CFAP61: variants seen among roughly 807,000 people sequenced by gnomAD.
CFAP61 encodes the protein cilia- and flagella-associated protein 61.
In CFAP61, 107 loss-of-function variants were observed where a neutral mutation model predicts 135.6. The ratio of observed to expected loss-of-function variants is 0.79; its 90% CI spans 0.67 to 0.93. The LOEUF is 0.93. Ranked by LOEUF, CFAP61 falls within the 40% of genes least tolerant of loss-of-function variation. The probability of loss-of-function intolerance (pLI) is 0.00; values close to 1 mark genes in which losing one functional copy is unlikely to be tolerated. For synonymous variants in CFAP61, 575 were observed against 578.5 expected (o/e 0.99, Z 0.09); for missense variants, 1,507 against 1,556.2 (o/e 0.97, Z 0.53).
At position 20,159,429 on chromosome 20, in the gene CFAP61, T is replaced by C. The variant is rs1601058089; in HGVS notation, c.1011T>C (p.Asn337=). 6.2e-6 allele frequency: 10 copies of C among 1,613,920 alleles called. No individual in the cohort carries two copies. The East Asian group carries it at 2.2e-4, about 36-fold the overall frequency. Residue 337 remains asparagine, a synonymous_variant, in exon 10 of 27, where the codon AAT becomes AAC. Coordinates refer to ENST00000245957, the MANE Select transcript of CFAP61 (RefSeq NM_015585.4). The stretch of plus-strand genomic sequence containing the variant: ...CTTTAACAGCAGTCCAAAGTGGAAA[T>C]GTTAGTGAACCGGAGGTAGGGTTTG... ...EEALTAVQSG[N]VSEPEDIEKL...
At chr20:20,208,874 C>T (rs1283119015) in intron 17 of CFAP61, among the ~76,000 whole-genome samples, 2 of 152,206 alleles carry the variant, frequency 1.3e-5, no homozygotes, top group African/African-American at 4.8e-5. Flanking sequence ...TCTTGGAGGG[C>T]TCCCAAACCC....
intron 21 of CFAP61, among the ~76,000 whole-genome samples, chr20:20,270,108 A>C (rs529547192): frequency 4.6e-5 from 7 of 152,366 alleles, no homozygotes; most frequent in Admixed American, 4.6e-4. Flanking sequence ...TTTAAAATAT[A>C]TAAACTATAA....
chr20:20,340,893 A>C lies in CFAP61; in HGVS notation c.3423-938A>C, dbSNP rs544060519. On this transcript the variant is annotated intron_variant, in intron 25 of 26. Transcript: ENST00000245957. ...GTGAGGCCTGATACTGCTGAGTGCC[A>C]GGCTGTCCCTAACACAGACTCTCGG... Among the ~76,000 whole-genome samples the C allele has an allele frequency of 4.6e-5, 7 of 152,220 alleles. No individual in the cohort carries two copies. The East Asian group carries it at 1.2e-3, about 25-fold the overall frequency.
intron 16 of CFAP61, among the ~76,000 whole-genome samples, chr20:20,199,336 T>C (rs112153953): frequency 2.4e-4 from 37 of 152,170 alleles, no homozygotes; most frequent in African/African-American, 8.9e-4. Context: ...CCCTGCTAAG[T>C]TACCCCTTGG....
chr20:20,071,004 A>G lies in CFAP61; in HGVS notation c.294A>G (p.Thr98=), dbSNP rs1217597543. 20 of 1,612,866 alleles carry G rather than the reference A, an allele frequency of 1.2e-5. No individual in the cohort carries two copies. Among genetic ancestry groups the G allele is most frequent in the Non-Finnish European group, 1.4e-5 (17 of 1,179,534 alleles). The change falls in exon 3 of 27, where the codon ACA becomes ACG. Residue 98 remains threonine (T), a splice_region_variant and synonymous_variant. Transcript: ENST00000245957. ...AGCTCGACAGTGACATCCCATGCAC[A>G]GTAAGAAATCACATACAGTGCTTGT... The part of the protein sequence containing the change: ...FRELDSDIPC[T]PLNTLFMHLF...
intron 8 of CFAP61, among the ~76,000 whole-genome samples, chr20:20,134,950 T>C (rs1364706540): frequency 6.8e-6 from 1 of 146,784 alleles, no homozygotes; most frequent in Non-Finnish European, 1.5e-5. Flanking sequence ...GTATAATCTC[T>C]GGAACCTGTA....
chr20:20,090,742 C>G (rs976616841), intron 6 of CFAP61, 102 bp from the exon 7 acceptor site: 2 of 1,015,300 alleles, frequency 2.0e-6, no homozygotes, highest in East Asian at 4.9e-5. Flanking sequence ...GAGTGTTGCT[C>G]TAGCCCCGGC....
At chr20:20,353,126 T>G (rs888033782) in intron 26 of CFAP61, among the ~76,000 whole-genome samples, 2 of 152,124 alleles carry the variant, frequency 1.3e-5, no homozygotes, top group African/African-American at 4.8e-5. Context: ...TTGAATAACA[T>G]CCTTTCGTTG....
intron 10 of CFAP61, among the ~76,000 whole-genome samples, chr20:20,161,387 G>T (rs1027300621): frequency 6.6e-6 from 1 of 152,086 alleles, no homozygotes; most frequent in Non-Finnish European, 1.5e-5. Flanking sequence ...TGAAATGACA[G>T]TAAAGGGATA....
intron 25 of CFAP61, among the ~76,000 whole-genome samples, chr20:20,335,300 AT>A (rs2058144392): frequency 6.6e-6 from 1 of 152,244 alleles, no homozygotes; most frequent in Non-Finnish European, 1.5e-5. Context: ...TTAAGAAAAG[AT>A]TTTTGTTAAA....
At chr20:20,181,206 T>C (rs182318798) in intron 13 of CFAP61, among the ~76,000 whole-genome samples, 37 of 135,140 alleles carry the variant, frequency 2.7e-4, no homozygotes, top group South Asian at 7.6e-4. Context: ...TATATATATG[T>C]ATATATACAT....
At chr20:20,108,186 A>G (rs2048543704) in intron 8 of CFAP61, among the ~76,000 whole-genome samples, 1 of 152,192 alleles carries the variant, frequency 6.6e-6, no homozygotes, top group Non-Finnish European at 1.5e-5. Flanking sequence ...AGATTTTCTG[A>G]TGCTCTGAAG....
chr20:20,173,735 T>G (rs906038851), intron 13 of CFAP61, among the ~76,000 whole-genome samples: 1 of 152,184 alleles, frequency 6.6e-6, no homozygotes, highest in Non-Finnish European at 1.5e-5. Flanking sequence ...AAAAATGTAC[T>G]TTATACTCCG....
At chr20:20,130,735 G>C (rs1158532159) in intron 8 of CFAP61, among the ~76,000 whole-genome samples, 6 of 151,788 alleles carry the variant, frequency 4.0e-5, no homozygotes, top group Non-Finnish European at 7.3e-5. Context: ...GGGAAGGCTA[G>C]CTAGGGGTTC....
At chr20:20,213,231 T>G (rs1401099616) in intron 17 of CFAP61, among the ~76,000 whole-genome samples, 1 of 152,194 alleles carries the variant, frequency 6.6e-6, no homozygotes, top group Non-Finnish European at 1.5e-5. Flanking sequence ...CTTAGTTTCA[T>G]AATTATTTTG....
At chr20:20,175,869 A>C (rs2146837660) in intron 13 of CFAP61, among the ~76,000 whole-genome samples, 1 of 152,258 alleles carries the variant, frequency 6.6e-6, no homozygotes, top group South Asian at 2.1e-4. Flanking sequence ...CATCTGGTAG[A>C]AAATAATTGT....
intron 14 of CFAP61, among the ~76,000 whole-genome samples, chr20:20,190,326 G>A (rs2055831392): frequency 6.6e-6 from 1 of 152,156 alleles, no homozygotes; most frequent in African/African-American, 2.4e-5. Flanking sequence ...AATCTCCAGA[G>A]TATTATACTG....
chr20:20,125,244 C>T (rs1359770026), intron 8 of CFAP61, among the ~76,000 whole-genome samples: 2 of 151,268 alleles, frequency 1.3e-5, no homozygotes, highest in Non-Finnish European at 2.9e-5. Context: ...TTGGTTATTT[C>T]CTTTCTTCTG....
At chr20:20,242,368 T>C (rs2050077559) in intron 18 of CFAP61, among the ~76,000 whole-genome samples, 1 of 152,234 alleles carries the variant, frequency 6.6e-6, no homozygotes, top group South Asian at 2.1e-4. Flanking sequence ...GGGGGTGGAT[T>C]TGCAGCAAGA....
Sources: gnomAD v4.1 joint callset for allele counts (sites outside exome capture counted in the v4.1 genomes callset) on GRCh38, gnomAD v4.1.1 for gene constraint, MANE v1.5 for transcripts, NCBI Gene and HGNC (gene_info 2026-07-23, HGNC 2026-07-21) for gene names.